Variants in CC2D1A observed in about 807,000 individuals in gnomAD.
CC2D1A encodes coiled-coil and C2 domain containing 1A, also known as coiled-coil and C2 domain-containing protein 1A.
A neutral mutation model predicts 123.8 loss-of-function variants in CC2D1A; 68 were observed. That is an observed-to-expected ratio of 0.55 (90% confidence interval 0.45 to 0.67). CC2D1A has a LOEUF of 0.67. CC2D1A is among the 30% of genes least tolerant of loss of function. CC2D1A has a pLI of 0.00. For missense variants in CC2D1A, 1,185 were observed against 1,290.3 expected (o/e 0.92, Z 1.25); for synonymous variants, 477 against 528.0 (o/e 0.90, Z 1.32).
rs565406554 is a variant in CC2D1A, at chr19:13,924,645, T to C, written c.1940+834T>C. Among the ~76,000 whole-genome samples, 187 of 152,298 alleles carry C rather than the reference T, an allele frequency of 1.2e-3. 1 individual carries two copies. Among genetic ancestry groups the C allele is most frequent in the Admixed American group, 4.4e-3 (67 of 15,286 alleles). ...CCACCATGCCCAGCTAATTTTTGTA[T>C]TTTTAGTAGAGACGGGGTTTCATTC... is the stretch of plus-strand genomic sequence containing the variant. On this transcript the variant is annotated intron_variant, in intron 17 of 28. Transcript: ENST00000318003.
At chr19:13,910,105 G>T in intron 2 of CC2D1A, 147 bp downstream of exon 2, 1 of 735,256 alleles carries the variant, frequency 1.4e-6, no homozygotes, top group Non-Finnish European at 1.9e-6. Flanking sequence ...AGAGAGTCAA[G>T]ATCGACTCTG....
chr19:13,928,285 C>G, intron 24 of CC2D1A, 97 bp downstream of exon 24: 1 of 1,042,102 alleles, frequency 9.6e-7, no homozygotes. Flanking sequence ...GGACCACGTC[C>G]CTCTCCTGCT....
At chr19:13,909,394 A>T (rs1262444587) in intron 1 of CC2D1A, among the ~76,000 whole-genome samples, 1 of 151,918 alleles carries the variant, frequency 6.6e-6, no homozygotes, top group Non-Finnish European at 1.5e-5. Context: ...ACAAAAAACA[A>T]AAAACTTTTT....
At chr19:13,918,878 T>C (rs968306509) in intron 9 of CC2D1A, 34 bp from the exon 10 acceptor site, 3 of 1,608,332 alleles carry the variant, frequency 1.9e-6, no homozygotes, top group Non-Finnish European at 2.5e-6. Context: ...TACCCATCCG[T>C]TGACTCTTAA....
At chr19:13,917,879 G>A (rs1971261864) in intron 6 of CC2D1A, among the ~76,000 whole-genome samples, 191 bp from the exon 7 acceptor site, 1 of 151,988 alleles carries the variant, frequency 6.6e-6, no homozygotes, top group South Asian at 2.1e-4. Context: ...GCTGAGGCAG[G>A]AGAATCACTT....
chr19:13,907,587 C>T (rs1220751745), intron 1 of CC2D1A, among the ~76,000 whole-genome samples: 2 of 151,908 alleles, frequency 1.3e-5, no homozygotes, highest in African/African-American at 2.4e-5. Flanking sequence ...GTGGGAGAAT[C>T]GCTTGAACCG....
chr19:13,912,200 G>C (rs1003509862), intron 2 of CC2D1A, 123 bp from the exon 3 acceptor site: 5 of 1,146,968 alleles, frequency 4.4e-6, no homozygotes, highest in African/African-American at 1.6e-5. Flanking sequence ...ACCTGAGGCT[G>C]AATAAGGAAG....
chr19:13,927,453 G>T lies in CC2D1A; in HGVS notation c.2316+188G>T. 3 of 596,908 alleles carry T rather than the reference G, an allele frequency of 5.0e-6. No individual in the cohort carries two copies. The African/African-American group carries it at 5.6e-5, about 11-fold the overall frequency. The allele number at this position is 596,908 out of a possible 1,614,324, so 37.0% of individuals were successfully genotyped here. On this transcript the variant is annotated intron_variant, in intron 22 of 28. Transcript: ENST00000318003. ...TACCCCACTCCATTATGATCAACTG[G>T]TATCTCAGCCATACCATGGGCTCAT...
chr19:13,910,100 G>C, intron 2 of CC2D1A, 142 bp downstream of exon 2: 4 of 775,496 alleles, frequency 5.2e-6, no homozygotes, highest in Non-Finnish European at 7.2e-6. Context: ...GGGTAAGAGA[G>C]TCAAGATCGA....
At position 13,912,379 on chromosome 19, in the gene CC2D1A, G is replaced by A. The variant is rs946573166; in HGVS notation, c.253G>A (p.Asp85Asn). The A allele has an allele frequency of 9.9e-6, 16 of 1,613,428 alleles. No homozygotes were observed. The highest frequency in any genetic ancestry group is 1.6e-4 in the Middle Eastern group (1 of 6,084). ...GGCCAGCCTGTGCATGAGAGACCCG[G>A]ATGAGGATGAGGAGGAGGGGACGGA... ...KMASLCMRDPDEDEEEGTDED... is the reference protein window; with the variant it reads ...KMASLCMRDPNEDEEEGTDED... Residue 85 changes from aspartate to asparagine, a missense_variant, in exon 3 of 29, where the codon GAT becomes AAT. Physicochemically the swap from Asp to Asn is conservative, Grantham distance 23. Transcript: ENST00000318003.
In CC2D1A at chr19:13,930,250, A is replaced by G; in HGVS notation, c.2796A>G (p.Ala932=). Residue 932 remains alanine, a synonymous_variant, in exon 28 of 29, where the codon GCA becomes GCG. Coordinates refer to ENST00000318003, the MANE Select transcript of CC2D1A (RefSeq NM_017721.5). This position sits in a 1 kb window ranked among gnomAD's most constrained non-coding sequence, Gnocchi z 6.8. ...RLGNDGSRDA[A]KEALYRRNLV... ...ATGCCCATCCCCCACAGGATGCTGC[A>G]AAGGAGGCGCTCTATAGGCGGAATC... is the stretch of plus-strand genomic sequence containing the variant. 6.2e-7 allele frequency: 1 copy of G among 1,613,916 alleles called. No individual in the cohort carries two copies. The highest frequency in any genetic ancestry group is 8.5e-7 in the Non-Finnish European group (1 of 1,179,874).
chr19:13,929,277 T>A (rs1971771078), intron 24 of CC2D1A, 102 bp from the exon 25 acceptor site: 2 of 1,238,818 alleles, frequency 1.6e-6, no homozygotes, highest in Admixed American at 3.4e-5. Flanking sequence ...AGTGCAGGGA[T>A]TACAGGCGTG....
rs2290664 is a variant in CC2D1A at position 13,930,558 on chromosome 19, G to C, written c.*163G>C. 0.16 allele frequency: 124,109 copies of C among 774,330 alleles called. 10,897 individuals carry two copies. Among genetic ancestry groups the C allele is most frequent in the Middle Eastern group, 0.26 (675 of 2,644 alleles). The allele number at this position is 774,330 out of a possible 1,614,324, so 48.0% of individuals were successfully genotyped here. On this transcript the variant is annotated 3_prime_UTR_variant, in exon 29 of 29. Transcript: ENST00000318003. The surrounding 1 kb of genome is among the most constrained non-coding windows in gnomAD (Gnocchi z 6.8). Reference sequence around the variant, plus strand: ...GCCCCGCCAGAGCCTCCGTGGCTGCGGGTGTTGGGAACCATGCCTGCCAGC... The same window carrying C: ...GCCCCGCCAGAGCCTCCGTGGCTGCCGGTGTTGGGAACCATGCCTGCCAGC...
At chr19:13,911,482 C>G (rs1397085462) in intron 2 of CC2D1A, among the ~76,000 whole-genome samples, 1 of 151,598 alleles carries the variant, frequency 6.6e-6, no homozygotes, top group Non-Finnish European at 1.5e-5. Flanking sequence ...CATCACTTGC[C>G]GAAGTTCTCA....
chr19:13,918,954 A>G lies in CC2D1A; in HGVS notation c.1061A>G (p.Gln354Arg). 2 of 1,610,464 alleles carry G rather than the reference A, an allele frequency of 1.2e-6. No individual in the cohort carries two copies. The highest frequency in any genetic ancestry group is 1.7e-6 in the Non-Finnish European group (2 of 1,178,412). Residue 354 changes from glutamine to arginine, a missense_variant, in exon 10 of 29, where the codon CAG (glutamine) becomes CGG (arginine). Physicochemically the swap from Gln to Arg is conservative, Grantham distance 43. Coordinates refer to ENST00000318003, the MANE Select transcript of CC2D1A (RefSeq NM_017721.5). ...PPRTLLEALE[Q>R]RMERYQVAAA... ...AGGACCCTGCTGGAGGCGCTGGAGC[A>G]GCGGATGGAGCGGTACCAGGTGGCC...
rs1411930047 is a variant in CC2D1A at position 13,926,063 on chromosome 19, T to TAC, written c.1941-453_1941-452insCA. On this transcript the variant is annotated intron_variant, in intron 17 of 28. Transcript: ENST00000318003. ...ATATATACACGTATATATATGTATA[T>TAC]ATACACACACACACACACACACACA... Among the ~76,000 whole-genome samples the TAC allele has an allele frequency of 1.1e-4, 14 of 123,530 alleles. 1 individual carries two copies. Among genetic ancestry groups the TAC allele is most frequent in the East Asian group, 1.0e-3 (5 of 4,992 alleles). 81.0% of individuals were successfully genotyped at this position (123,530 alleles called of 152,430 possible).
rs1051776824 is a variant in CC2D1A at position 13,906,287 on chromosome 19, C to G, written c.-155C>G. 1.8e-6 allele frequency: 1 copy of G among 548,096 alleles called. No homozygotes were observed. The highest frequency in any genetic ancestry group is 2.0e-5 in the African/African-American group (1 of 50,388). 34.0% of individuals were successfully genotyped at this position (548,096 alleles called of 1,614,324 possible). A position where few individuals can be genotyped will look rare whatever the true frequency, so the allele number is the denominator to read the frequency against. On this transcript the variant is annotated 5_prime_UTR_variant, in exon 1 of 29. Transcript: ENST00000318003. The surrounding 1 kb of genome is among the most constrained non-coding windows in gnomAD (Gnocchi z 4.1). ...AGGCCCGAGGCGGAAGTGGGACGGC[C>G]AAGCAGGGAAGCGAGGGCTCGGGAT...
Position 13,930,666 on chromosome 19 carries a change from C to T in CC2D1A, c.*271C>T. ...CCAGGGGTGTCCGGCCTCTGGCCCG[C>T]CCCGGAGCAGGGAGGGTGGCTGGGG... On this transcript the variant is annotated 3_prime_UTR_variant, in exon 29 of 29. Coordinates refer to ENST00000318003, the MANE Select transcript of CC2D1A (RefSeq NM_017721.5). The surrounding 1 kb of genome is among the most constrained non-coding windows in gnomAD (Gnocchi z 6.8). The T allele has an allele frequency of 2.0e-6, 1 of 506,052 alleles. No individual in the cohort carries two copies. Among genetic ancestry groups the T allele is most frequent in the Non-Finnish European group, 3.5e-6 (1 of 288,424 alleles). The allele number at this position is 506,052 out of a possible 1,614,324, so 31.3% of individuals were successfully genotyped here. A position where few individuals can be genotyped will look rare whatever the true frequency, so the allele number is the denominator to read the frequency against.
intron 14 of CC2D1A, among the ~76,000 whole-genome samples, chr19:13,921,983 G>C (rs1298586692): frequency 6.6e-6 from 1 of 151,716 alleles, no homozygotes; most frequent in Non-Finnish European, 1.5e-5. Flanking sequence ...CCCTTGCCTG[G>C]TCTCTTTCTT....
Sources: allele counts gnomAD v4.1 joint callset (sites outside exome capture counted in the v4.1 genomes callset), GRCh38; gene constraint gnomAD v4.1.1; non-coding constraint Gnocchi (gnomAD v3.1); transcripts MANE v1.5; gene names NCBI Gene and HGNC (gene_info 2026-07-23, HGNC 2026-07-21).